Variants in KIF16B observed in about 807,000 individuals in gnomAD.
The protein encoded by KIF16B is kinesin family member 16B, also known as kinesin-like protein KIF16B.
KIF16B carries 98 observed loss-of-function variants against 156.3 expected under a neutral mutation model. That is an observed-to-expected ratio of 0.63 (90% confidence interval 0.53 to 0.74). KIF16B has a LOEUF of 0.74. Ranked by LOEUF, KIF16B falls within the 30% of genes least tolerant of loss-of-function variation. The pLI, the probability that KIF16B is intolerant of heterozygous loss-of-function variation, is 0.00. For missense variants in KIF16B, 1,421 were observed against 1,606.5 expected, an observed-to-expected ratio of 0.88 and a Z score of 1.97; for synonymous variants, 564 against 583.7, an observed-to-expected ratio of 0.97 and a Z score of 0.49.
Position 16,404,806 on chromosome 20 carries a change from C to A in KIF16B, c.1784+7G>T, listed in dbSNP as rs2065739740. ...TCACAGGGAAGGAGATGCTGCTGTT[C>A]ACTCACCCGGGGTTATACAACATGA... is the stretch of plus-strand genomic sequence containing the variant. On this transcript the variant is annotated splice_region_variant and intron_variant, in intron 17 of 25. Transcript: ENST00000354981. 1.9e-6 allele frequency: 3 copies of A among 1,600,982 alleles called. No homozygotes were observed. The highest frequency in any genetic ancestry group is 2.6e-6 in the Non-Finnish European group (3 of 1,168,528).
intron 24 of KIF16B, among the ~76,000 whole-genome samples, chr20:16,317,841 G>A (rs34822784): frequency 0.035 from 5,347 of 152,260 alleles, 108 homozygotes; most frequent in African/African-American, 0.045. Context: ...AAAAGATCAG[G>A]ATGCAATTCC....
intron 25 of KIF16B, among the ~76,000 whole-genome samples, chr20:16,275,300 C>T (rs1328894714): frequency 1.3e-5 from 2 of 152,180 alleles, no homozygotes; most frequent in Non-Finnish European, 2.9e-5. Flanking sequence ...AAATGATCCA[C>T]CCCCCTTGGC....
chr20:16,487,437 C>T (rs1006384839), intron 12 of KIF16B, among the ~76,000 whole-genome samples: 9 of 152,052 alleles, frequency 5.9e-5, no homozygotes, highest in African/African-American at 1.9e-4. Flanking sequence ...GCAACAGCCC[C>T]AGTTACGAGA....
chr20:16,336,125 T>C (rs1276013339), intron 23 of KIF16B, 110 bp from the exon 24 acceptor site: 1 of 667,248 alleles, frequency 1.5e-6, no homozygotes, highest in African/African-American at 1.9e-5. Context: ...CATGTAAAAT[T>C]TCTCTAGAAC....
chr20:16,431,965 G>A (rs116347718), intron 12 of KIF16B, among the ~76,000 whole-genome samples: 56 of 143,462 alleles, frequency 3.9e-4, no homozygotes, highest in African/African-American at 1.5e-3. Context: ...CTGTCCTCTG[G>A]CTAGAATGTA....
At position 16,573,253 on chromosome 20, in the gene KIF16B, A is replaced by G; in HGVS notation, c.23T>C (p.Val8Ala). The G allele has an allele frequency of 6.2e-7, 1 of 1,606,364 alleles. No individual in the cohort carries two copies. The highest frequency in any genetic ancestry group is 8.5e-7 in the Non-Finnish European group (1 of 1,177,550). MASVKVA[V>A]RVRPMNRREK... ...CCTGCGATTCATGGGCCGGACCCTC[A>G]CGGCCACCTTGACCGATGCCATCGC... The change falls in exon 1 of 26, where the codon GTG (valine) becomes GCG (alanine). Residue 8 changes from valine to alanine, a missense_variant. Transcript: ENST00000354981.
rs2066453438 is a variant in KIF16B, at chr20:16,429,893, CA to C, written c.1391del (p.Leu464Ter). ...PHLIGIDDDLLSTGIILYHLK... is the reference protein window; with the variant it reads ...PHLIGIDDDLXSTGIILYHLK... ...AATGATATAAGATGATTCCAGTACT[CA>C]AAAGGTCATCATCGATGCCAATCAA... On this transcript the variant is annotated frameshift_variant, in exon 13 of 26. Transcript: ENST00000354981. LOFTEE classifies it high-confidence loss of function. The C allele has an allele frequency of 1.9e-6, 3 of 1,612,110 alleles. No homozygotes were observed. In the South Asian group the frequency reaches 3.3e-5, roughly 18 times the overall value.
chr20:16,497,774 A>G (rs1446302697), intron 10 of KIF16B, 96 bp from the exon 11 acceptor site: 3 of 944,894 alleles, frequency 3.2e-6, no homozygotes. Context: ...TTTCACAGAA[A>G]CTATTAAAGG....
chr20:16,553,135 G>A (rs1179741913), intron 1 of KIF16B, among the ~76,000 whole-genome samples: 1 of 152,138 alleles, frequency 6.6e-6, no homozygotes, highest in African/African-American at 2.4e-5. Context: ...TGAAGTTTCA[G>A]CCATTTCGTG....
At chr20:16,399,303 C>T (rs1233890146) in intron 17 of KIF16B, among the ~76,000 whole-genome samples, 2 of 152,052 alleles carry the variant, frequency 1.3e-5, no homozygotes. Context: ...TGTGGCTTTC[C>T]CTAATTTAAA....
intron 1 of KIF16B, among the ~76,000 whole-genome samples, chr20:16,533,357 C>T (rs2069828775): frequency 6.6e-6 from 1 of 152,146 alleles, no homozygotes; most frequent in African/African-American, 2.4e-5. Flanking sequence ...GGTTCTCAGT[C>T]CCCACCTAAA....
At position 16,380,046 on chromosome 20, in the gene KIF16B, G is replaced by A; in HGVS notation, c.1956C>T (p.Arg652=). ...KETEIVQLQI[R]KQEESLKRRS... ...GGCGTTTGAGGCTCTCCTCCTGCTT[G>A]CGAATCTGGAGCTGCACGATTTCTG... The change falls in exon 19 of 26, where the codon CGC becomes CGT. Residue 652 remains arginine, a synonymous_variant. Transcript: ENST00000354981. 1.3e-6 allele frequency: 2 copies of A among 1,576,858 alleles called. No homozygotes were observed. Among genetic ancestry groups the A allele is most frequent in the Non-Finnish European group, 1.7e-6 (2 of 1,165,032 alleles).
At chr20:16,557,747 G>C (rs1045344431) in intron 1 of KIF16B, among the ~76,000 whole-genome samples, 1 of 152,162 alleles carries the variant, frequency 6.6e-6, no homozygotes, top group African/African-American at 2.4e-5. Context: ...CCCAGAGAGA[G>C]TATCTGTTTG....
intron 22 of KIF16B, among the ~76,000 whole-genome samples, chr20:16,360,191 A>G (rs2180443): frequency 0.68 from 103,185 of 151,926 alleles, 36,303 homozygotes; most frequent in East Asian, 0.97. Context: ...TGGAATTCTC[A>G]GGGTACAGTG....
intron 24 of KIF16B, among the ~76,000 whole-genome samples, chr20:16,324,022 G>A (rs2063808000): frequency 6.6e-6 from 1 of 151,924 alleles, no homozygotes; most frequent in African/African-American, 2.4e-5. Context: ...ACATTCATAT[G>A]TGCCACAAAC....
chr20:16,507,275 T>C (rs1600574290), intron 7 of KIF16B, among the ~76,000 whole-genome samples: 1 of 152,266 alleles, frequency 6.6e-6, no homozygotes, highest in African/African-American at 2.4e-5. Flanking sequence ...TTTGTGCTCT[T>C]TGATCTCCCT....
At chr20:16,280,836 G>GCACA (rs1601479122) in intron 25 of KIF16B, among the ~76,000 whole-genome samples, 2 of 138,880 alleles carry the variant, frequency 1.4e-5, no homozygotes, top group Admixed American at 7.4e-5. Flanking sequence ...ACTGCTGCGC[G>GCACA]CGCACGTGTG....
chr20:16,370,300 T>C (rs2064785326), intron 22 of KIF16B, among the ~76,000 whole-genome samples: 2 of 152,184 alleles, frequency 1.3e-5, no homozygotes, highest in African/African-American at 2.4e-5. Context: ...TCTGATTATA[T>C]AATTCTGCCT....
intron 23 of KIF16B, among the ~76,000 whole-genome samples, chr20:16,345,210 T>C (rs2064210055): frequency 6.6e-6 from 1 of 152,216 alleles, no homozygotes; most frequent in South Asian, 2.1e-4. Flanking sequence ...TTTTCTCACG[T>C]GTTTCTCTTC....
Sources: gnomAD v4.1 joint callset for allele counts (sites outside exome capture counted in the v4.1 genomes callset) on GRCh38, gnomAD v4.1.1 for gene constraint, MANE v1.5 for transcripts, NCBI Gene and HGNC (gene_info 2026-07-23, HGNC 2026-07-21) for gene names.